Variants in CFAP161 observed in about 807,000 individuals in gnomAD.
The protein encoded by CFAP161 is cilia and flagella associated protein 161, also known as cilia- and flagella-associated protein 161.
A neutral mutation model predicts 29.0 loss-of-function variants in CFAP161; 25 were observed. The ratio of observed to expected loss-of-function variants is 0.86; its 90% CI spans 0.63 to 1.20. CFAP161 has a LOEUF of 1.20. Among genes scored for constraint, CFAP161 ranks in the 50% most tolerant of loss-of-function variants. The pLI is 0.00. For missense variants in CFAP161, 367 were observed against 371.9 expected, an observed-to-expected ratio of 0.99 and a Z score of 0.11; for synonymous variants, 116 against 137.4, an observed-to-expected ratio of 0.84 and a Z score of 1.09.
upstream of CFAP161, among the ~76,000 whole-genome samples, chr15:81,130,362 A>C (rs141714462): frequency 6.6e-6 from 1 of 152,244 alleles, no homozygotes; most frequent in East Asian, 1.9e-4. Context: ...CTTTCAGCCT[A>C]TCTTGGCTTT....
rs543951947 is a variant in CFAP161 at position 81,137,983 on chromosome 15, A to T, written c.393-68A>T. On this transcript the variant is annotated intron_variant, in intron 3 of 6. Coordinates refer to ENST00000286732, the MANE Select transcript of CFAP161 (RefSeq NM_173528.4). ...TATAAACAAAATTGCATGCATAAAA[A>T]ATAGAGTCATAGAATGATTCTAATA... 7 of 1,221,820 alleles carry T rather than the reference A, an allele frequency of 5.7e-6. No individual in the cohort carries two copies. In the Admixed American group the frequency reaches 1.3e-4, roughly 22 times the overall value. The allele number at this position is 1,221,820 out of a possible 1,614,324, so 75.7% of individuals were successfully genotyped here.
At chr15:81,140,585 GT>G (rs1321911535) in intron 4 of CFAP161, among the ~76,000 whole-genome samples, 1 of 150,914 alleles carries the variant, frequency 6.6e-6, no homozygotes, top group African/African-American at 2.4e-5. Context: ...TTGAGACAGG[GT>G]CTCACTCTGT....
At chr15:81,133,223 A>AT (rs1555449903), upstream of CFAP161, among the ~76,000 whole-genome samples, 2 of 25,708 alleles carry the variant, frequency 7.8e-5, 1 homozygote, top group African/African-American at 2.4e-4. Context: ...ATATATATAT[A>AT]TGTATTTTTT....
intron 5 of CFAP161, among the ~76,000 whole-genome samples, chr15:81,145,992 T>C (rs1292237192): frequency 6.6e-6 from 1 of 152,212 alleles, no homozygotes; most frequent in Non-Finnish European, 1.5e-5. Flanking sequence ...AAGCTGTCAT[T>C]AGTAAAGAAG....
chr15:81,134,246 C>A, upstream of CFAP161: 1 of 1,490,302 alleles, frequency 6.7e-7, no homozygotes, highest in Non-Finnish European at 9.1e-7. Flanking sequence ...CTTGACCAAT[C>A]GCCTGGGGCC....
chr15:81,148,459 A>G lies in CFAP161; in HGVS notation c.832A>G (p.Met278Val), dbSNP rs1392612418. ...TGNPRDASSS[M>V]LDLPKPPTED... ...GAATCCCAGGGATGCCTCGTCCTCCATGTTGGATCTGCCCAAACCACCCAC... is the reference window on the plus strand; with the variant it reads ...GAATCCCAGGGATGCCTCGTCCTCCGTGTTGGATCTGCCCAAACCACCCAC... The change falls in exon 7 of 7, where the codon ATG (methionine) becomes GTG (valine). Residue 278 changes from methionine (M) to valine (V), a missense_variant. Coordinates refer to ENST00000286732, the MANE Select transcript of CFAP161 (RefSeq NM_173528.4). 1.2e-6 allele frequency: 2 copies of G among 1,614,206 alleles called. No individual in the cohort carries two copies. The highest frequency in any genetic ancestry group is 4.5e-5 in the East Asian group (2 of 44,886).
chr15:81,136,460 C>G, intron 2 of CFAP161, 56 bp from the exon 3 acceptor site: 1 of 1,507,384 alleles, frequency 6.6e-7, no homozygotes, highest in East Asian at 2.3e-5. Flanking sequence ...ATTGCCTTGG[C>G]AGTAACTGTT....
At chr15:81,142,813 G>C (rs532275391) in intron 4 of CFAP161, among the ~76,000 whole-genome samples, 1 of 152,284 alleles carries the variant, frequency 6.6e-6, no homozygotes, top group South Asian at 2.1e-4. Context: ...TAACATTTTG[G>C]ACTTTTCAGC....
chr15:81,114,594 C>T (rs11854946), intron 1 of CFAP161, among the ~76,000 whole-genome samples: 5,744 of 152,152 alleles, frequency 0.038, 345 homozygotes, highest in African/African-American at 0.13. Context: ...GATAGAACAT[C>T]GCAATGGGAA....
chr15:81,134,964 A>T (rs1481088059), intron 1 of CFAP161, among the ~76,000 whole-genome samples: 1 of 152,206 alleles, frequency 6.6e-6, no homozygotes, highest in African/African-American at 2.4e-5. Flanking sequence ...CAGTCATCAT[A>T]CGGTCAAGGG....
chr15:81,115,688 T>G (rs1341344549), intron 1 of CFAP161, among the ~76,000 whole-genome samples: 1 of 152,230 alleles, frequency 6.6e-6, no homozygotes, highest in East Asian at 1.9e-4. Flanking sequence ...CTTTTGTTTT[T>G]CATTTGTTTT....
intron 1 of CFAP161, chr15:81,117,916 G>C (rs901945864): frequency 2.4e-6 from 1 of 422,768 alleles, no homozygotes; most frequent in Non-Finnish European, 4.5e-6. Flanking sequence ...ATCCACCTGG[G>C]CATCTGAGTC....
rs1195803788 is a variant in CFAP161, at chr15:81,148,335, C to T, written c.711-3C>T. 1.9e-6 allele frequency: 3 copies of T among 1,607,612 alleles called. No individual in the cohort carries two copies. The East Asian group carries it at 6.7e-5, about 36-fold the overall frequency. On this transcript the variant is annotated splice_region_variant and splice_polypyrimidine_tract_variant and intron_variant, in intron 6 of 6. Coordinates refer to ENST00000286732, the MANE Select transcript of CFAP161 (RefSeq NM_173528.4). ...AACCACAACTGATTCTCTCTTGCTC[C>T]AGCACCTATTTTGGAAAGGAGGCTG...
At chr15:81,104,613 G>A (rs1489480230) in intron 1 of CFAP161, among the ~76,000 whole-genome samples, 2 of 152,186 alleles carry the variant, frequency 1.3e-5, no homozygotes, top group Non-Finnish European at 2.9e-5. Context: ...GGATCTCACA[G>A]GCTGAGGAAA....
In CFAP161 at chr15:81,134,335, G is replaced by C. The variant is rs1894770285; in HGVS notation, c.6G>C (p.Ala2=). The C allele has an allele frequency of 7.6e-6, 12 of 1,587,264 alleles. No individual in the cohort carries two copies. Among genetic ancestry groups the C allele is most frequent in the Non-Finnish European group, 1.0e-5 (12 of 1,167,680 alleles). The change falls in exon 1 of 7, where the codon GCG becomes GCC. Residue 2 remains alanine, a synonymous_variant. Transcript: ENST00000286732. ...TTGCTGAACAGCAGGGAGCGATGGCGCAGAACGTGTATGGTCCGGGAGTCC... is the reference window on the plus strand; with the variant it reads ...TTGCTGAACAGCAGGGAGCGATGGCCCAGAACGTGTATGGTCCGGGAGTCC... M[A]QNVYGPGVRI... is the part of the protein sequence containing the mutation.
At chr15:81,145,824 C>T (rs1398486839) in intron 5 of CFAP161, among the ~76,000 whole-genome samples, 1 of 152,128 alleles carries the variant, frequency 6.6e-6, no homozygotes, top group Non-Finnish European at 1.5e-5. Flanking sequence ...TGTTAGGATG[C>T]TTATAGAATT....
intron 1 of CFAP161, among the ~76,000 whole-genome samples, chr15:81,115,829 C>A (rs1362885789): frequency 2.0e-5 from 3 of 150,792 alleles, no homozygotes; most frequent in Non-Finnish European, 4.4e-5. Flanking sequence ...ACAGCAGGTA[C>A]CACTGTGCCT....
chr15:81,103,975 T>TATA (rs57360728), intron 1 of CFAP161, among the ~76,000 whole-genome samples: 72,279 of 151,744 alleles, frequency 0.48, 20,555 homozygotes, highest in Non-Finnish European at 0.66. Flanking sequence ...GTTATTGTGG[T>TATA]GGTATGAGAG....
intron 1 of CFAP161, among the ~76,000 whole-genome samples, chr15:81,125,864 G>GTTTTTC (rs1894634492): frequency 6.7e-6 from 1 of 150,228 alleles, no homozygotes; most frequent in African/African-American, 2.5e-5. Flanking sequence ...TTTTTTGTTT[G>GTTTTTC]TTTTTGTTTT....
Sources: allele counts gnomAD v4.1 joint callset (sites outside exome capture counted in the v4.1 genomes callset), GRCh38; gene constraint gnomAD v4.1.1; transcripts MANE v1.5; gene names NCBI Gene and HGNC (gene_info 2026-07-23, HGNC 2026-07-21).